The following SCN2A variants were observed in gnomAD, a reference collection of about 807,000 sequenced individuals.
SCN2A encodes the protein sodium channel protein type 2 subunit alpha.
In SCN2A, 20 loss-of-function variants were observed where a neutral mutation model predicts 188.7. That is an observed-to-expected ratio of 0.11 (90% confidence interval 0.07 to 0.15). The LOEUF (loss-of-function observed/expected upper bound fraction) is 0.15, where lower values mean the gene tolerates loss of function less well. SCN2A is among the 10% of genes least tolerant of loss of function. The pLI, the probability that SCN2A is intolerant of heterozygous loss-of-function variation, is 1.00. For missense variants in SCN2A, 1,278 were observed against 2,445.0 expected (o/e 0.52, Z 10.07); for synonymous variants, 804 against 833.1 (o/e 0.97, Z 0.60).
At chr2:165,333,959 A>G (rs1239524359) in intron 14 of SCN2A, among the ~76,000 whole-genome samples, 1 of 150,726 alleles carries the variant, frequency 6.6e-6, no homozygotes, top group African/African-American at 2.4e-5. Context: ...TTTTAGAAAG[A>G]AAAAGGGAGC....
intron 10 of SCN2A, among the ~76,000 whole-genome samples, 175 bp from the exon 11 acceptor site, chr2:165,315,296 G>C (rs1031246335): frequency 1.3e-5 from 2 of 152,118 alleles, no homozygotes; most frequent in Admixed American, 1.3e-4. Flanking sequence ...CCATATGAAT[G>C]CCCATTTTAC....
chr2:165,287,904 T>G (rs16850317), intron 1 of SCN2A, among the ~76,000 whole-genome samples: 10,352 of 152,296 alleles, frequency 0.068, 416 homozygotes, highest in South Asian at 0.11. Flanking sequence ...CTCTGAATAC[T>G]TTATCAGTAC....
intron 14 of SCN2A, among the ~76,000 whole-genome samples, chr2:165,337,005 A>G (rs1025816112): frequency 5.3e-5 from 8 of 152,024 alleles, no homozygotes; most frequent in African/African-American, 1.9e-4. Context: ...ACAGGAACAA[A>G]TTGTTAGAAT....
intron 1 of SCN2A, among the ~76,000 whole-genome samples, chr2:165,246,927 T>C (rs1693872422): frequency 1.3e-5 from 2 of 152,146 alleles, no homozygotes; most frequent in Non-Finnish European, 2.9e-5. Flanking sequence ...ACCTCCTACC[T>C]TGACCTCACT....
intron 1 of SCN2A, among the ~76,000 whole-genome samples, chr2:165,279,956 C>A (rs1695513719): frequency 6.6e-6 from 1 of 152,104 alleles, no homozygotes; most frequent in Admixed American, 6.6e-5. Flanking sequence ...GTGCACGAGC[C>A]CTTTTTCTTT....
intron 1 of SCN2A, chr2:165,240,106 A>G (rs1209298801): frequency 6.6e-6 from 1 of 152,120 alleles, no homozygotes; most frequent in Non-Finnish European, 1.5e-5. Flanking sequence ...GCTGGCTATG[A>G]TGGTACAGAT....
In SCN2A at chr2:165,369,116, A is replaced by G. The variant is rs986323674; in HGVS notation, c.3676-1010A>G. Reference sequence around the variant, plus strand: ...AATTTTTGTACTTTTAGTAATAGAGACTGGGTTTTGCCATCTTGGCCAGGC... The same window carrying G: ...AATTTTTGTACTTTTAGTAATAGAGGCTGGGTTTTGCCATCTTGGCCAGGC... On this transcript the variant is annotated intron_variant, in intron 19 of 26. Transcript: ENST00000375437. Among the ~76,000 whole-genome samples, 27 of 152,066 alleles carry G rather than the reference A, an allele frequency of 1.8e-4. 1 individual carries two copies. Among genetic ancestry groups the G allele is most frequent in the African/African-American group, 6.3e-4 (26 of 41,466 alleles).
At chr2:165,296,821 T>C (rs1696535944) in intron 2 of SCN2A, 196 bp from the exon 3 acceptor site, 1 of 396,016 alleles carries the variant, frequency 2.5e-6, no homozygotes, top group Admixed American at 4.1e-5. Context: ...ATAATCCTCA[T>C]GTCATTTATC....
intron 12 of SCN2A, 70 bp from the exon 13 acceptor site, chr2:165,326,782 G>A (rs1698380464): frequency 6.5e-7 from 1 of 1,545,762 alleles, no homozygotes; most frequent in Non-Finnish European, 8.9e-7. Context: ...AATAACACCT[G>A]TTGTAGGAAT....
intron 11 of SCN2A, among the ~76,000 whole-genome samples, chr2:165,319,660 G>A (rs1697968300): frequency 6.6e-6 from 1 of 152,158 alleles, no homozygotes; most frequent in African/African-American, 2.4e-5. Flanking sequence ...ACCTTACATG[G>A]ATGGTGGCAA....
intron 1 of SCN2A, among the ~76,000 whole-genome samples, chr2:165,249,407 G>C (rs1002653579): frequency 3.3e-5 from 5 of 152,052 alleles, no homozygotes; most frequent in African/African-American, 1.2e-4. Flanking sequence ...TATTCTCACT[G>C]TCTAATCTCT....
At chr2:165,314,556 G>C (rs528729239) in intron 10 of SCN2A, among the ~76,000 whole-genome samples, 1 of 152,264 alleles carries the variant, frequency 6.6e-6, no homozygotes, top group East Asian at 1.9e-4. Flanking sequence ...ATTGAGTCTG[G>C]AAAGGCAAAG....
At chr2:165,260,915 A>G (rs1340260441) in intron 1 of SCN2A, among the ~76,000 whole-genome samples, 1 of 142,334 alleles carries the variant, frequency 7.0e-6, no homozygotes, top group African/African-American at 2.6e-5. Flanking sequence ...GGTTGCAGTG[A>G]GCTGAGATTG....
intron 1 of SCN2A, among the ~76,000 whole-genome samples, chr2:165,290,457 A>G: frequency 6.6e-6 from 1 of 152,184 alleles, no homozygotes; most frequent in Non-Finnish European, 1.5e-5. Flanking sequence ...TGCTATAAGG[A>G]ATAAATGGTT....
intron 12 of SCN2A, among the ~76,000 whole-genome samples, chr2:165,324,294 G>C (rs1172981962): frequency 6.6e-6 from 1 of 152,104 alleles, no homozygotes; most frequent in African/African-American, 2.4e-5. Flanking sequence ...AATGTCACTT[G>C]ATTGTATTTT....
chr2:165,374,822 C>G lies in SCN2A; in HGVS notation c.4110C>G (p.Thr1370=). ...AGKFYHCINY[T]TGEMFDVSVV... ...AGTTTTACCATTGTATTAATTACACCACTGGAGAGATGTTTGATGTAAGCG... is the reference window on the plus strand; with the variant it reads ...AGTTTTACCATTGTATTAATTACACGACTGGAGAGATGTTTGATGTAAGCG... Residue 1370 remains threonine (T), a synonymous_variant, in exon 22 of 27, where the codon ACC becomes ACG. Coordinates refer to ENST00000375437, the MANE Select transcript of SCN2A (RefSeq NM_001040142.2). The G allele has an allele frequency of 6.2e-7, 1 of 1,613,530 alleles. No individual in the cohort carries two copies. Among genetic ancestry groups the G allele is most frequent in the Non-Finnish European group, 8.5e-7 (1 of 1,179,684 alleles).
intron 1 of SCN2A, among the ~76,000 whole-genome samples, chr2:165,280,836 A>G (rs939900363): frequency 6.6e-6 from 1 of 152,156 alleles, no homozygotes; most frequent in Non-Finnish European, 1.5e-5. Context: ...GCCACATCTC[A>G]GTGTCTGTCT....
At chr2:165,312,246 T>G (rs1221939797) in intron 8 of SCN2A, among the ~76,000 whole-genome samples, 158 bp downstream of exon 8, 1 of 151,100 alleles carries the variant, frequency 6.6e-6, no homozygotes, top group African/African-American at 2.4e-5. Flanking sequence ...AAGTGTAGAT[T>G]CTCACCTCTT....
intron 13 of SCN2A, among the ~76,000 whole-genome samples, chr2:165,331,095 T>C (rs1698649383): frequency 6.6e-6 from 1 of 152,146 alleles, no homozygotes. Context: ...GTGTTGCCAA[T>C]AGAATCTTGG....
Sources: gnomAD v4.1 joint callset for allele counts (sites outside exome capture counted in the v4.1 genomes callset) on GRCh38, gnomAD v4.1.1 for gene constraint, MANE v1.5 for transcripts, NCBI Gene and HGNC (gene_info 2026-07-23, HGNC 2026-07-21) for gene names.